MDN1: variants seen among roughly 807,000 people sequenced by gnomAD.
MDN1 encodes the protein midasin AAA ATPase 1, also known as midasin.
In MDN1, 266 loss-of-function variants were observed where a neutral mutation model predicts 669.2. The ratio of observed to expected loss-of-function variants is 0.40; its 90% CI spans 0.36 to 0.44. The LOEUF is 0.44. Among genes scored for constraint, MDN1 ranks in the 20% least tolerant of loss-of-function variants. The pLI is 1.00. For missense variants in MDN1, 5,940 were observed against 6,754.0 expected (o/e 0.88, Z 4.22); for synonymous variants, 2,385 against 2,457.1 (o/e 0.97, Z 0.87).
intron 50 of MDN1, among the ~76,000 whole-genome samples, 166 bp downstream of exon 50, chr6:89,710,515 A>AT (rs1014237538): frequency 2.6e-5 from 4 of 151,964 alleles, no homozygotes; most frequent in Admixed American, 1.3e-4. Flanking sequence ...TAAAAAAAAA[A>AT]AAAAGAAATT....
intron 9 of MDN1, among the ~76,000 whole-genome samples, chr6:89,783,181 A>C (rs1490989967): frequency 6.6e-6 from 1 of 152,180 alleles, no homozygotes; most frequent in Non-Finnish European, 1.5e-5. Context: ...TTGCAGAGAG[A>C]GCCTATCAAC....
At chr6:89,696,169 A>G (rs947712377) in intron 60 of MDN1, among the ~76,000 whole-genome samples, 177 bp from the exon 61 acceptor site, 2 of 152,150 alleles carry the variant, frequency 1.3e-5, no homozygotes, top group Non-Finnish European at 1.5e-5. Flanking sequence ...TCTTGATCAC[A>G]ATATGCTTAA....
chr6:89,684,119 G>A (rs1037124705), intron 71 of MDN1, among the ~76,000 whole-genome samples: 18 of 152,088 alleles, frequency 1.2e-4, no homozygotes, highest in African/African-American at 3.9e-4. Context: ...CAAGGTGGGC[G>A]GAATCACAAG....
At position 89,670,903 on chromosome 6, in the gene MDN1, T is replaced by G. The variant is rs745721984; in HGVS notation, c.13956+16A>C. 1.2e-6 allele frequency: 2 copies of G among 1,611,968 alleles called. No individual in the cohort carries two copies. The highest frequency in any genetic ancestry group is 2.2e-5 in the East Asian group (1 of 44,860). On this transcript the variant is annotated intron_variant, in intron 83 of 101. Coordinates refer to ENST00000369393, the MANE Select transcript of MDN1 (RefSeq NM_014611.3). The stretch of plus-strand genomic sequence containing the variant: ...GGTCCCTGCTGCTCACAGTGCACCA[T>G]GTGAACAGTCCTTACCTTCTGGGCA...
At chr6:89,808,088 T>C (rs949336304) in intron 1 of MDN1, among the ~76,000 whole-genome samples, 1 of 151,932 alleles carries the variant, frequency 6.6e-6, no homozygotes, top group African/African-American at 2.4e-5. Context: ...CTATAATCAC[T>C]TTTTTCTTTT....
chr6:89,651,415 G>A (rs1197593904), intron 95 of MDN1, among the ~76,000 whole-genome samples: 9 of 151,612 alleles, frequency 5.9e-5, no homozygotes, highest in African/African-American at 2.2e-4. Flanking sequence ...TGAAGTTTGA[G>A]ACCAGCCTGG....
rs753241276 is a variant in MDN1, at chr6:89,750,441, G to A, written c.3319C>T (p.Arg1107Cys). 4 of 1,613,904 alleles carry A rather than the reference G, an allele frequency of 2.5e-6. No individual in the cohort carries two copies. The highest frequency in any genetic ancestry group is 1.7e-5 in the Admixed American group (1 of 60,010). Residue 1107 changes from arginine (R) to cysteine (C), a missense_variant, in exon 24 of 102, where the codon CGT becomes TGT. Around this residue, in one of 5 missense-constraint regions of MDN1, gnomAD observed 2,292 missense variants for 2,638.3 expected, o/e 0.87. Transcript: ENST00000369393. The stretch of plus-strand genomic sequence containing the variant: ...TCCGTGTGTTCGTGATTATTAATAC[G>A]CACACAGTGGTTGCCAGTAGCTGCA... ...LAAATGNHCV[R>C]INNHEHTDIQ...
intron 49 of MDN1, 115 bp downstream of exon 49, chr6:89,711,921 C>G (rs1813958065): frequency 7.4e-6 from 7 of 942,516 alleles, no homozygotes; most frequent in Non-Finnish European, 1.1e-5. Flanking sequence ...TCCTAGGAGA[C>G]CTCCCAACTG....
At chr6:89,716,576 C>T (rs985539491) in intron 44 of MDN1, 74 bp downstream of exon 44, 1 of 1,499,378 alleles carries the variant, frequency 6.7e-7, no homozygotes, top group Admixed American at 2.2e-5. Flanking sequence ...ACCAGCACTT[C>T]TATCTGGGTT....
intron 40 of MDN1, 85 bp from the exon 41 acceptor site, chr6:89,719,310 A>G: frequency 2.2e-5 from 24 of 1,076,122 alleles, no homozygotes; most frequent in Non-Finnish European, 3.4e-5. Flanking sequence ...GCACAGTGAT[A>G]AGAGTCACTA....
chr6:89,795,934 G>A (rs1244610671), intron 2 of MDN1, among the ~76,000 whole-genome samples: 1 of 152,070 alleles, frequency 6.6e-6, no homozygotes, highest in East Asian at 1.9e-4. Flanking sequence ...AGGCCTGGGC[G>A]ACACAGTGAG....
chr6:89,769,987 A>G (rs1371815131), intron 15 of MDN1, among the ~76,000 whole-genome samples: 1 of 152,158 alleles, frequency 6.6e-6, no homozygotes, highest in Non-Finnish European at 1.5e-5. Context: ...AGTCCCAGCT[A>G]CTGGGTAGGC....
Position 89,662,941 on chromosome 6 carries a change from C to T in MDN1, c.14263G>A (p.Glu4755Lys). Residue 4755 changes from glutamate to lysine, a missense_variant, in exon 86 of 102, where the codon GAG (glutamate) becomes AAG (lysine). Glu to Lys is a moderately conservative substitution (Grantham distance 56). Around this residue, in one of 5 missense-constraint regions of MDN1, gnomAD observed 2,280 missense variants for 2,576.3 expected, o/e 0.88. Coordinates refer to ENST00000369393, the MANE Select transcript of MDN1 (RefSeq NM_014611.3). ...ATGTGTTTATCCAGGTCTCCGCCCT[C>T]ACTATCTGATTTCTCATCATCCTCT... is the stretch of plus-strand genomic sequence containing the variant. ...QEEDDEKSDSEGGDLDKHMGD... is the reference protein window; with the variant it reads ...QEEDDEKSDSKGGDLDKHMGD... The T allele has an allele frequency of 6.2e-7, 1 of 1,614,118 alleles. No individual in the cohort carries two copies. Among genetic ancestry groups the T allele is most frequent in the Non-Finnish European group, 8.5e-7 (1 of 1,180,030 alleles).
intron 8 of MDN1, among the ~76,000 whole-genome samples, chr6:89,786,329 T>C (rs954337535): frequency 2.0e-5 from 3 of 151,848 alleles, no homozygotes; most frequent in Non-Finnish European, 4.4e-5. Flanking sequence ...CAGTGGCTCA[T>C]GCCTGTCATT....
intron 80 of MDN1, 90 bp from the exon 81 acceptor site, chr6:89,672,792 T>C (rs1283019086): frequency 6.6e-6 from 9 of 1,371,448 alleles, no homozygotes; most frequent in Non-Finnish European, 8.9e-6. Context: ...AAAATACTCA[T>C]TTATTGATGA....
chr6:89,673,106 C>A, intron 80 of MDN1, 130 bp downstream of exon 80: 1 of 771,672 alleles, frequency 1.3e-6, no homozygotes, highest in Non-Finnish European at 2.1e-6. Context: ...ACCGCACCTC[C>A]CTGCCTCAGA....
chr6:89,813,668 C>A (rs973939564), intron 1 of MDN1, among the ~76,000 whole-genome samples: 1 of 151,880 alleles, frequency 6.6e-6, no homozygotes, highest in Admixed American at 6.6e-5. Flanking sequence ...GAGGTCAAGG[C>A]TGAAGTGAGC....
intron 97 of MDN1, among the ~76,000 whole-genome samples, 189 bp from the exon 98 acceptor site, chr6:89,648,518 G>GTAAAAAAAA (rs1808631517): frequency 1.3e-5 from 2 of 152,118 alleles, no homozygotes; most frequent in South Asian, 4.1e-4. Context: ...CACAAATGTT[G>GTAAAAAAAA]AAACCTAGAA....
intron 33 of MDN1, 121 bp downstream of exon 33, chr6:89,738,205 C>T (rs72915946): frequency 0.13 from 143,046 of 1,132,910 alleles, 9,955 homozygotes; most frequent in South Asian, 0.16. Flanking sequence ...ATTTACCTAT[C>T]TCCTTTCTTC....
Sources: gnomAD v4.1 joint callset for allele counts (sites outside exome capture counted in the v4.1 genomes callset) on GRCh38, gnomAD v4.1.1 for gene constraint, gnomAD v4.1.1 regional missense constraint, MANE v1.5 for transcripts, NCBI Gene and HGNC (gene_info 2026-07-23, HGNC 2026-07-21) for gene names.